Variants in FRMD5 observed in about 807,000 individuals in gnomAD.
FRMD5 encodes FERM domain-containing protein 5.
A neutral mutation model predicts 69.0 loss-of-function variants in FRMD5; 20 were observed. That is an observed-to-expected ratio of 0.29 (90% confidence interval 0.20 to 0.42). The LOEUF (loss-of-function observed/expected upper bound fraction) is 0.42. FRMD5 is among the 10% of genes least tolerant of loss of function. FRMD5 has a pLI of 1.00. For synonymous variants in FRMD5, 271 were observed against 260.1 expected, an observed-to-expected ratio of 1.04 and a Z score of -0.40; for missense variants, 595 against 708.6, an observed-to-expected ratio of 0.84 and a Z score of 1.82.
At chr15:44,140,873 A>ACC (rs2077261955) in intron 1 of FRMD5, among the ~76,000 whole-genome samples, 1 of 111,256 alleles carries the variant, frequency 9.0e-6, no homozygotes, top group African/African-American at 3.5e-5. Flanking sequence ...ACAGAGTGAG[A>ACC]CTGTCTCAAA....
rs1320043208 is a variant in FRMD5, at chr15:44,176,857, T to C, written c.102+18096A>G. Among the ~76,000 whole-genome samples, 11 of 150,914 alleles carry C rather than the reference T, an allele frequency of 7.3e-5. No individual in the cohort carries two copies. The East Asian group carries it at 1.7e-3, about 24-fold the overall frequency. ...TCCTTCACACCCATTAGAATGGCTG[T>C]AATAAAAAAAGGCACATGTATACAT... is the stretch of plus-strand genomic sequence containing the variant. On this transcript the variant is annotated intron_variant, in intron 1 of 13. Coordinates refer to ENST00000417257, the MANE Select transcript of FRMD5 (RefSeq NM_032892.5).
intron 1 of FRMD5, among the ~76,000 whole-genome samples, chr15:44,003,715 T>G (rs1468939730): frequency 6.6e-6 from 1 of 152,242 alleles, no homozygotes; most frequent in Non-Finnish European, 1.5e-5. Flanking sequence ...ATACGTATAC[T>G]TGATATTACA....
Position 44,195,269 on chromosome 15 carries a change from T to C in FRMD5, c.-215A>G. On this transcript the variant is annotated 5_prime_UTR_variant, in exon 1 of 14. Coordinates refer to ENST00000417257, the MANE Select transcript of FRMD5 (RefSeq NM_032892.5). ...CCCCAGCCCAGATCAAGCGCCGGGC[T>C]CTGTCTCCTCGGCGCCCCAGTGCCC... 1 of 515,416 alleles carries C rather than the reference T, an allele frequency of 1.9e-6. No individual in the cohort carries two copies. The highest frequency in any genetic ancestry group is 3.4e-6 in the Non-Finnish European group (1 of 293,776). The allele number at this position is 515,416 out of a possible 1,614,324, so 31.9% of individuals were successfully genotyped here. A position where few individuals can be genotyped will look rare whatever the true frequency, so the allele number is the denominator to read the frequency against.
intron 1 of FRMD5, among the ~76,000 whole-genome samples, chr15:44,163,193 A>C (rs1030707616): frequency 6.9e-6 from 1 of 144,006 alleles, no homozygotes; most frequent in Non-Finnish European, 1.5e-5. Context: ...AAACAAAAAA[A>C]CCCCTATGTC....
chr15:44,084,703 G>A (rs1357809410), intron 1 of FRMD5, among the ~76,000 whole-genome samples: 2 of 151,912 alleles, frequency 1.3e-5, no homozygotes, highest in African/African-American at 4.8e-5. Flanking sequence ...TTATTCCATT[G>A]AATTGTACAC....
At chr15:44,051,334 TAG>T (rs1892656840) in intron 1 of FRMD5, among the ~76,000 whole-genome samples, 1 of 147,802 alleles carries the variant, frequency 6.8e-6, no homozygotes, top group African/African-American at 2.5e-5. Flanking sequence ...GTATTTTTAG[TAG>T]AGACGGGGTT....
At chr15:43,947,886 C>G (rs1054642649) in intron 1 of FRMD5, among the ~76,000 whole-genome samples, 1 of 152,154 alleles carries the variant, frequency 6.6e-6, no homozygotes, top group Non-Finnish European at 1.5e-5. Context: ...TAAAAGCTAA[C>G]GAGTAGCCAA....
chr15:43,915,314 A>G (rs1040567101), intron 4 of FRMD5, among the ~76,000 whole-genome samples: 6 of 152,216 alleles, frequency 3.9e-5, no homozygotes, highest in African/African-American at 1.2e-4. Context: ...TGGCCCGACA[A>G]GCCAAAAATA....
chr15:43,975,938 C>G (rs1363792606), intron 1 of FRMD5, among the ~76,000 whole-genome samples: 1 of 151,544 alleles, frequency 6.6e-6, no homozygotes. Flanking sequence ...ATCAACAGAA[C>G]AGAATAAAGA....
At chr15:43,973,453 C>T (rs191514746) in intron 1 of FRMD5, among the ~76,000 whole-genome samples, 37 of 151,704 alleles carry the variant, frequency 2.4e-4, no homozygotes, top group South Asian at 1.0e-3. Context: ...CTGGAACCTC[C>T]GCCTCCCAGG....
At chr15:44,108,180 T>G (rs2076745929) in intron 1 of FRMD5, among the ~76,000 whole-genome samples, 1 of 152,114 alleles carries the variant, frequency 6.6e-6, no homozygotes. Context: ...TCTGCTAAAC[T>G]GAAAATACTT....
intron 4 of FRMD5, among the ~76,000 whole-genome samples, chr15:43,915,251 T>C (rs1234245165): frequency 6.6e-6 from 1 of 152,228 alleles, no homozygotes; most frequent in African/African-American, 2.4e-5. Context: ...GTATCGTCTA[T>C]GGCTGCTTTC....
chr15:44,129,869 C>T (rs893653674), intron 1 of FRMD5, among the ~76,000 whole-genome samples: 3 of 152,132 alleles, frequency 2.0e-5, no homozygotes, highest in Non-Finnish European at 4.4e-5. Context: ...GGACCCTTCC[C>T]ATGATTGACT....
At chr15:44,003,443 C>T (rs774796890) in intron 1 of FRMD5, among the ~76,000 whole-genome samples, 13 of 152,152 alleles carry the variant, frequency 8.5e-5, no homozygotes, top group Non-Finnish European at 1.0e-4. Context: ...TTGTTAAAAC[C>T]CTGCGATGGT....
At chr15:43,960,390 C>T (rs1344020073) in intron 1 of FRMD5, among the ~76,000 whole-genome samples, 1 of 152,246 alleles carries the variant, frequency 6.6e-6, no homozygotes, top group Non-Finnish European at 1.5e-5. Context: ...GCTGGGACTA[C>T]AGGTGCCTGC....
intron 1 of FRMD5, among the ~76,000 whole-genome samples, chr15:43,925,555 CA>C (rs2089569756): frequency 1.3e-5 from 2 of 152,182 alleles, no homozygotes. Context: ...TTTGCTATTA[CA>C]AACAATGTGG....
chr15:43,920,322 A>G (rs1427795900), intron 2 of FRMD5, among the ~76,000 whole-genome samples: 1 of 152,192 alleles, frequency 6.6e-6, no homozygotes, highest in Non-Finnish European at 1.5e-5. Flanking sequence ...TGGCTGGTAT[A>G]TATTCCATCT....
chr15:44,126,479 C>T (rs1215366183), intron 1 of FRMD5, among the ~76,000 whole-genome samples: 2 of 152,212 alleles, frequency 1.3e-5, no homozygotes, highest in Non-Finnish European at 2.9e-5. Context: ...GGGTATCATG[C>T]AGTTCCTAAT....
chr15:44,093,461 C>G (rs2140493013), intron 1 of FRMD5, among the ~76,000 whole-genome samples: 1 of 152,090 alleles, frequency 6.6e-6, no homozygotes, highest in African/African-American at 2.4e-5. Flanking sequence ...GAAACTTGAA[C>G]TTGAATGAGG....
Sources: gnomAD v4.1 joint callset for allele counts (sites outside exome capture counted in the v4.1 genomes callset) on GRCh38, gnomAD v4.1.1 for gene constraint, MANE v1.5 for transcripts, NCBI Gene and HGNC (gene_info 2026-07-23, HGNC 2026-07-21) for gene names.